Variants in PCCB observed in about 807,000 individuals in gnomAD.
PCCB encodes the protein propionyl-CoA carboxylase beta chain, mitochondrial.
In PCCB, 43 loss-of-function variants were observed where a neutral mutation model predicts 60.7. The observed-to-expected ratio is 0.71, with a 90% CI of 0.55 to 0.91. PCCB has a LOEUF of 0.91. PCCB is among the 40% of genes least tolerant of loss of function. PCCB has a pLI of 0.00. For missense variants in PCCB, 766 were observed against 702.8 expected (o/e 1.09, Z -1.02); for synonymous variants, 276 against 255.9 (o/e 1.08, Z -0.75).
chr3:136,292,635 T>C (rs936882921), intron 6 of PCCB, among the ~76,000 whole-genome samples: 11 of 152,216 alleles, frequency 7.2e-5, no homozygotes, highest in African/African-American at 2.2e-4. Flanking sequence ...ACAGTGTGTA[T>C]TGAACTCTAT....
chr3:136,261,260 A>G (rs1467532660), intron 4 of PCCB, among the ~76,000 whole-genome samples: 2 of 152,128 alleles, frequency 1.3e-5, no homozygotes, highest in African/African-American at 4.8e-5. Flanking sequence ...AATAATAGAG[A>G]ATTTTGGAAT....
Position 136,316,972 on chromosome 3 carries a change from T to G in PCCB, c.998T>G (p.Met333Arg). 3.7e-6 allele frequency: 6 copies of G among 1,614,086 alleles called. No individual in the cohort carries two copies. Among genetic ancestry groups the G allele is most frequent in the Non-Finnish European group, 5.1e-6 (6 of 1,179,930 alleles). ...GATGAGCGTGAATTTTTTGAGATCA[T>G]GCCCAATTATGCCAAGAACATCATT... ...VVDEREFFEI[M>R]PNYAKNIIVG... is the part of the protein sequence containing the mutation. Residue 333 changes from methionine (M) to arginine (R), a missense_variant, in exon 10 of 15, where the codon ATG (methionine) becomes AGG (arginine). Coordinates refer to ENST00000251654, the MANE Select transcript of PCCB (RefSeq NM_000532.5).
chr3:136,270,955 A>C (rs1942182616), intron 5 of PCCB, among the ~76,000 whole-genome samples: 1 of 152,054 alleles, frequency 6.6e-6, no homozygotes, highest in African/African-American at 2.4e-5. Context: ...ATGTCTATTC[A>C]TGTCCTTTGC....
intron 6 of PCCB, among the ~76,000 whole-genome samples, chr3:136,290,670 A>AGTTTTTTTTTT (rs1933636561): frequency 9.1e-4 from 3 of 3,284 alleles, no homozygotes; most frequent in Non-Finnish European, 2.3e-3. Context: ...TTCTCTGTGT[A>AGTTTTTTTTTT]GTTTTTTTTT....
At chr3:136,255,626 T>G in intron 1 of PCCB, 1 of 560,392 alleles carries the variant, frequency 1.8e-6, no homozygotes, top group African/African-American at 1.9e-5. Context: ...ATTTCCTTAT[T>G]CATCTTCCAC....
At chr3:136,286,742 T>G (rs570425271) in intron 6 of PCCB, among the ~76,000 whole-genome samples, 1 of 152,138 alleles carries the variant, frequency 6.6e-6, no homozygotes, top group Non-Finnish European at 1.5e-5. Context: ...TCCTGACTGG[T>G]CTCCCTGCTT....
chr3:136,313,889 C>T (rs1462656328), intron 9 of PCCB, among the ~76,000 whole-genome samples: 2 of 152,114 alleles, frequency 1.3e-5, no homozygotes, highest in East Asian at 1.9e-4. Flanking sequence ...CAGCCAGATT[C>T]TGCTATCGGA....
In PCCB at chr3:136,255,975, G is replaced by C; in HGVS notation, c.303G>C (p.Lys101Asn). The part of the protein sequence containing the change: ...ADFGMAADKN[K>N]FPGDSVVTGR... Reference sequence around the variant, plus strand: ...TTGGAATGGCTGCTGATAAGAATAAGGTATTTGTTCAAATGGTGGTGTGAA... The same window carrying C: ...TTGGAATGGCTGCTGATAAGAATAACGTATTTGTTCAAATGGTGGTGTGAA... Residue 101 changes from lysine (K) to asparagine (N), a missense_variant and splice_region_variant, in exon 2 of 15, where the codon AAG becomes AAC. Lys to Asn is a moderately conservative substitution (Grantham distance 94, BLOSUM62 0). Transcript: ENST00000251654. 6.2e-7 allele frequency: 1 copy of C among 1,614,158 alleles called. No individual in the cohort carries two copies.
intron 10 of PCCB, among the ~76,000 whole-genome samples, chr3:136,323,582 G>A (rs900896530): frequency 2.6e-5 from 4 of 152,048 alleles, no homozygotes; most frequent in Admixed American, 6.6e-5. Flanking sequence ...TCAAGAGTTC[G>A]AGACCAACCT....
chr3:136,262,915 T>C (rs564658980), intron 5 of PCCB, among the ~76,000 whole-genome samples: 12 of 151,502 alleles, frequency 7.9e-5, no homozygotes, highest in Admixed American at 1.3e-4. Context: ...GATTTTAGAA[T>C]ATCATCTAGT....
At chr3:136,289,594 G>A (rs753870007) in intron 6 of PCCB, among the ~76,000 whole-genome samples, 7 of 151,892 alleles carry the variant, frequency 4.6e-5, no homozygotes, top group Non-Finnish European at 7.4e-5. Flanking sequence ...CTGACAATCC[G>A]TCTTTTAATT....
At chr3:136,291,802 G>A (rs1576333251) in intron 6 of PCCB, among the ~76,000 whole-genome samples, 1 of 152,226 alleles carries the variant, frequency 6.6e-6, no homozygotes, top group East Asian at 1.9e-4. Context: ...TTTCCCCCAT[G>A]CATGTCAGAA....
intron 5 of PCCB, among the ~76,000 whole-genome samples, chr3:136,266,445 A>G (rs1383434132): frequency 6.6e-6 from 1 of 152,100 alleles, no homozygotes; most frequent in Non-Finnish European, 1.5e-5. Flanking sequence ...TTTTTGAGAC[A>G]GGGTCTCACT....
chr3:136,271,063 T>A (rs1427276893), intron 5 of PCCB, among the ~76,000 whole-genome samples: 1 of 152,252 alleles, frequency 6.6e-6, no homozygotes, highest in African/African-American at 2.4e-5. Flanking sequence ...AAATATTTTC[T>A]CCAGCTCTGT....
At chr3:136,271,310 A>G (rs1451396228) in intron 5 of PCCB, among the ~76,000 whole-genome samples, 1 of 152,090 alleles carries the variant, frequency 6.6e-6, no homozygotes, top group Admixed American at 6.6e-5. Context: ...CTTTTTGCTT[A>G]GTATTGCTTT....
intron 9 of PCCB, among the ~76,000 whole-genome samples, chr3:136,303,001 T>C (rs571068580): frequency 8.2e-6 from 1 of 122,696 alleles, no homozygotes; most frequent in African/African-American, 2.5e-5. Flanking sequence ...GGAGGATTGC[T>C]TGAACCCAGG....
At chr3:136,329,606 C>G (rs548615109) in intron 14 of PCCB, among the ~76,000 whole-genome samples, 1 of 152,110 alleles carries the variant, frequency 6.6e-6, no homozygotes, top group African/African-American at 2.4e-5. Context: ...GATGTATTTT[C>G]TTTATTTCCT....
chr3:136,268,087 GATATATATATATATATAT>G (rs61160895), intron 5 of PCCB, among the ~76,000 whole-genome samples: 1,215 of 93,806 alleles, frequency 0.013, 37 homozygotes, highest in East Asian at 0.062. Flanking sequence ...TGTGTGTGTA[GATATATATATATATATAT>G]ATATATATAT....
chr3:136,260,984 C>T (rs1015985456), intron 4 of PCCB, among the ~76,000 whole-genome samples: 2 of 152,148 alleles, frequency 1.3e-5, no homozygotes, highest in Non-Finnish European at 2.9e-5. Flanking sequence ...ATTTCTAATA[C>T]TGAGGCTCAT....
Sources: gnomAD v4.1 joint callset for allele counts (sites outside exome capture counted in the v4.1 genomes callset) on GRCh38, gnomAD v4.1.1 for gene constraint, MANE v1.5 for transcripts, NCBI Gene and HGNC (gene_info 2026-07-23, HGNC 2026-07-21) for gene names.